RBFOX1: variants seen among roughly 807,000 people sequenced by gnomAD.
RBFOX1 encodes RNA binding protein fox-1 homolog 1.
RBFOX1 carries 8 observed loss-of-function variants against 57.7 expected under a neutral mutation model. The ratio of observed to expected loss-of-function variants is 0.14; its 90% CI spans 0.08 to 0.25. RBFOX1 has a LOEUF of 0.25. Ranked by LOEUF, RBFOX1 falls within the 10% of genes least tolerant of loss-of-function variation. RBFOX1 has a pLI of 1.00. For synonymous variants in RBFOX1, 326 were observed against 222.4 expected, an observed-to-expected ratio of 1.47 and a Z score of -4.15; for missense variants, 611 against 548.5, an observed-to-expected ratio of 1.11 and a Z score of -1.14.
chr16:6,817,960 G>T (rs1042277136), intron 3 of RBFOX1, among the ~76,000 whole-genome samples: 2 of 152,150 alleles, frequency 1.3e-5, no homozygotes, highest in African/African-American at 4.8e-5. Flanking sequence ...AGAATGAGAT[G>T]ATCTGGTTTT....
At chr16:7,494,492 G>A (rs1486435978) in intron 4 of RBFOX1, among the ~76,000 whole-genome samples, 1 of 152,078 alleles carries the variant, frequency 6.6e-6, no homozygotes, top group East Asian at 1.9e-4. Context: ...CTAACCCCCT[G>A]CACACTGCCA....
intron 4 of RBFOX1, among the ~76,000 whole-genome samples, chr16:7,173,760 C>A (rs1383795001): frequency 6.6e-6 from 1 of 152,178 alleles, no homozygotes; most frequent in Non-Finnish European, 1.5e-5. Context: ...CAGTTAAGTT[C>A]CACTTGCAGC....
chr16:7,244,220 C>A, intron 4 of RBFOX1, among the ~76,000 whole-genome samples: 1 of 130,360 alleles, frequency 7.7e-6, no homozygotes, highest in African/African-American at 2.9e-5. Context: ...TCTTCAGAGT[C>A]TGTTCTAGGA....
chr16:5,294,031 C>A (rs1303614165), intron 1 of RBFOX1, among the ~76,000 whole-genome samples: 2 of 151,978 alleles, frequency 1.3e-5, no homozygotes, highest in Non-Finnish European at 2.9e-5. Context: ...GAGTTCGAGA[C>A]CTGCTTGGCC....
In RBFOX1 at chr16:6,615,549, G is replaced by A. The variant is rs1157952314; in HGVS notation, c.-63-39054G>A. On this transcript the variant is annotated intron_variant, in intron 2 of 15. Transcript: ENST00000550418. The stretch of plus-strand genomic sequence containing the variant: ...CGCACCACATCTCTCCATCCTGGGA[G>A]AAAGAGCGAATCTCCATCTAAAAAA... Among the ~76,000 whole-genome samples, 6 of 150,060 alleles carry A rather than the reference G, an allele frequency of 4.0e-5. No homozygotes were observed. In the East Asian group the frequency reaches 1.2e-3, roughly 29 times the overall value.
intron 1 of RBFOX1, among the ~76,000 whole-genome samples, chr16:6,175,889 C>T (rs1938611912): frequency 6.6e-6 from 1 of 152,120 alleles, no homozygotes; most frequent in Non-Finnish European, 1.5e-5. Flanking sequence ...CAGAGGTTTG[C>T]AACCTTGACT....
intron 3 of RBFOX1, among the ~76,000 whole-genome samples, chr16:6,927,609 A>G (rs7184356): frequency 0.017 from 2,619 of 152,050 alleles, 81 homozygotes; most frequent in African/African-American, 0.059. Context: ...AGTACCTGAC[A>G]TTTAGCAGGG....
chr16:7,393,419 A>G (rs1360042426), intron 4 of RBFOX1, among the ~76,000 whole-genome samples: 1 of 151,876 alleles, frequency 6.6e-6, no homozygotes, highest in Non-Finnish European at 1.5e-5. Context: ...ATAATATTAC[A>G]CTCAAGTACA....
intron 4 of RBFOX1, among the ~76,000 whole-genome samples, chr16:7,134,842 T>A (rs1023475681): frequency 6.6e-6 from 1 of 152,152 alleles, no homozygotes; most frequent in Non-Finnish European, 1.5e-5. Context: ...ATGGTTACAG[T>A]TTTAATGCAC....
chr16:6,835,502 A>C (rs2093027848), intron 3 of RBFOX1, among the ~76,000 whole-genome samples: 1 of 152,038 alleles, frequency 6.6e-6, no homozygotes, highest in Non-Finnish European at 1.5e-5. Flanking sequence ...CTGCAATCCC[A>C]GCACTTTGGG....
chr16:6,176,203 G>A (rs2097006212), intron 1 of RBFOX1, among the ~76,000 whole-genome samples: 1 of 151,934 alleles, frequency 6.6e-6, no homozygotes, highest in African/African-American at 2.4e-5. Flanking sequence ...GGAGTGCAGT[G>A]GTGTGATCTT....
chr16:5,828,681 G>A (rs991689850), intron 3 of RBFOX1, among the ~76,000 whole-genome samples: 2 of 151,868 alleles, frequency 1.3e-5, no homozygotes, highest in East Asian at 1.9e-4. Context: ...CCTGGTGAGC[G>A]AGACTCCAAA....
At chr16:5,802,470 C>T (rs1436396) in intron 3 of RBFOX1, among the ~76,000 whole-genome samples, 1 of 152,142 alleles carries the variant, frequency 6.6e-6, no homozygotes, top group African/African-American at 2.4e-5. Context: ...CCCTGGAAAG[C>T]TTAAAGTGAT....
intron 3 of RBFOX1, among the ~76,000 whole-genome samples, chr16:6,656,869 A>C (rs1357044519): frequency 6.8e-6 from 1 of 146,884 alleles, no homozygotes; most frequent in Non-Finnish European, 1.5e-5. Context: ...CTTTTAAACA[A>C]GGTAACTCCT....
intron 1 of RBFOX1, among the ~76,000 whole-genome samples, chr16:5,383,961 G>A (rs556208647): frequency 1.3e-5 from 2 of 152,290 alleles, no homozygotes; most frequent in South Asian, 4.1e-4. Context: ...TGCCTATTCT[G>A]CATTCTCCTC....
chr16:6,900,689 G>C (rs1020030750), intron 3 of RBFOX1, among the ~76,000 whole-genome samples: 1 of 152,066 alleles, frequency 6.6e-6, no homozygotes, highest in Non-Finnish European at 1.5e-5. Flanking sequence ...CATTCTTCTG[G>C]TCTCAGAATC....
chr16:5,401,059 A>AT (rs1313923438), intron 1 of RBFOX1, among the ~76,000 whole-genome samples: 2 of 152,036 alleles, frequency 1.3e-5, no homozygotes, highest in African/African-American at 4.8e-5. Flanking sequence ...TTCAAAGGAG[A>AT]TTTTTTAAAA....
chr16:6,820,288 A>G (rs760903104), intron 3 of RBFOX1, among the ~76,000 whole-genome samples: 3 of 152,198 alleles, frequency 2.0e-5, no homozygotes, highest in Non-Finnish European at 4.4e-5. Context: ...TCTTCATAGC[A>G]TTATGAAAAT....
At chr16:7,676,504 C>A (rs1414944798) in intron 13 of RBFOX1, among the ~76,000 whole-genome samples, 5 of 152,176 alleles carry the variant, frequency 3.3e-5, no homozygotes, top group Non-Finnish European at 7.3e-5. Context: ...TCGCCATTAA[C>A]ATTTAGGTAC....
Sources: allele counts gnomAD v4.1 joint callset (sites outside exome capture counted in the v4.1 genomes callset), GRCh38; gene constraint gnomAD v4.1.1; transcripts MANE v1.5; gene names NCBI Gene and HGNC (gene_info 2026-07-23, HGNC 2026-07-21).